Variants in PTPN4 observed in about 807,000 individuals in gnomAD.
PTPN4 encodes the protein tyrosine-protein phosphatase non-receptor type 4.
PTPN4 carries 49 observed loss-of-function variants against 135.5 expected under a neutral mutation model. The observed-to-expected ratio is 0.36, with a 90% confidence interval of 0.29 to 0.46. PTPN4 has a LOEUF of 0.46. Ranked by LOEUF, PTPN4 falls within the 20% of genes least tolerant of loss-of-function variation. PTPN4 has a pLI of 1.00. For synonymous variants in PTPN4, 333 were observed against 369.9 expected, an observed-to-expected ratio of 0.90 and a Z score of 1.14; for missense variants, 860 against 1,101.0, an observed-to-expected ratio of 0.78 and a Z score of 3.10.
At chr2:119,923,864 A>G (rs773538568) in intron 12 of PTPN4, among the ~76,000 whole-genome samples, 31 of 152,136 alleles carry the variant, frequency 2.0e-4, no homozygotes, top group Admixed American at 7.9e-4. Flanking sequence ...GAGGCTGGGC[A>G]CGGTGGCTCA....
At chr2:119,911,073 G>T (rs574758634) in intron 10 of PTPN4, among the ~76,000 whole-genome samples, 1 of 152,244 alleles carries the variant, frequency 6.6e-6, no homozygotes, top group East Asian at 1.9e-4. Context: ...CAGGCCCCTT[G>T]TTGTGAATTC....
intron 2 of PTPN4, among the ~76,000 whole-genome samples, chr2:119,852,274 C>T (rs770881435): frequency 1.3e-5 from 2 of 152,172 alleles, no homozygotes; most frequent in African/African-American, 2.4e-5. Flanking sequence ...TCTAAGCCAA[C>T]GGGGATCAGC....
chr2:119,808,554 C>A (rs1335709584), intron 1 of PTPN4, among the ~76,000 whole-genome samples: 5 of 152,196 alleles, frequency 3.3e-5, no homozygotes, highest in Admixed American at 2.0e-4. Flanking sequence ...CTACAAACCA[C>A]TGCTCAACGA....
At chr2:119,851,250 A>G (rs1362392366) in intron 2 of PTPN4, among the ~76,000 whole-genome samples, 1 of 152,202 alleles carries the variant, frequency 6.6e-6, no homozygotes, top group Non-Finnish European at 1.5e-5. Flanking sequence ...GTGAATCCTT[A>G]CAGGTCTGCA....
At chr2:119,975,629 G>A (rs1297112579) in intron 26 of PTPN4, among the ~76,000 whole-genome samples, 1 of 152,132 alleles carries the variant, frequency 6.6e-6, no homozygotes, top group African/African-American at 2.4e-5. Flanking sequence ...GGAGGCTGAG[G>A]CAGGAGACTC....
chr2:119,921,341 T>C (rs1678734263), intron 12 of PTPN4, among the ~76,000 whole-genome samples: 1 of 152,186 alleles, frequency 6.6e-6, no homozygotes, highest in Middle Eastern at 3.2e-3. Flanking sequence ...TTAAGATTAA[T>C]TCATGTTATA....
chr2:119,879,399 G>A (rs1678036658), intron 5 of PTPN4, among the ~76,000 whole-genome samples: 1 of 152,188 alleles, frequency 6.6e-6, no homozygotes. Context: ...TTTTATAATG[G>A]AATGTTATGG....
chr2:119,956,279 A>G (rs1001550708), intron 20 of PTPN4, among the ~76,000 whole-genome samples: 4 of 121,354 alleles, frequency 3.3e-5, no homozygotes, highest in East Asian at 4.9e-4. Context: ...GCCTCTCACT[A>G]TGTTGCCTAG....
At chr2:119,810,040 A>C (rs1333543207) in intron 2 of PTPN4, 49 bp downstream of exon 2, 1 of 1,536,490 alleles carries the variant, frequency 6.5e-7, no homozygotes, top group Non-Finnish European at 8.9e-7. Context: ...ATAAGTCTGA[A>C]TTTAGACATA....
At chr2:119,768,762 C>T (rs948259390) in intron 1 of PTPN4, among the ~76,000 whole-genome samples, 1 of 152,160 alleles carries the variant, frequency 6.6e-6, no homozygotes, top group African/African-American at 2.4e-5. Context: ...AGCTTGCTGT[C>T]AGGTCCATGT....
At chr2:119,782,075 T>C (rs1690949486) in intron 1 of PTPN4, among the ~76,000 whole-genome samples, 1 of 152,190 alleles carries the variant, frequency 6.6e-6, no homozygotes, top group Non-Finnish European at 1.5e-5. Flanking sequence ...AGTCCCACAC[T>C]GTCCAGTAGG....
chr2:119,948,557 T>A (rs1679168151), intron 18 of PTPN4, among the ~76,000 whole-genome samples: 1 of 152,152 alleles, frequency 6.6e-6, no homozygotes, highest in South Asian at 2.1e-4. Context: ...GGATATTAAT[T>A]ATATGGTTTA....
At chr2:119,833,058 A>G (rs548076363) in intron 2 of PTPN4, among the ~76,000 whole-genome samples, 60 of 152,174 alleles carry the variant, frequency 3.9e-4, no homozygotes, top group Admixed American at 9.2e-4. Context: ...TAAGTGCTCT[A>G]TCATTCTGTT....
rs559902026 is a variant in PTPN4 at position 119,981,326 on chromosome 2, T to C, written c.*4256T>C. On this transcript the variant is annotated 3_prime_UTR_variant, in exon 27 of 27. Transcript: ENST00000263708. ...GTGAGCTGCCACAGTTAATACTTTG[T>C]ATTAACATTGCTTACTTCCCCCATT... 6.6e-6 allele frequency: 1 copy of C among 152,250 alleles called. No homozygotes were observed. The highest frequency in any genetic ancestry group is 1.9e-4 in the East Asian group (1 of 5,190). The allele number at this position is 152,250 out of a possible 1,614,324, so 9.4% of individuals were successfully genotyped here.
intron 12 of PTPN4, 108 bp from the exon 13 acceptor site, chr2:119,926,490 A>G: frequency 1.5e-6 from 1 of 663,728 alleles, no homozygotes; most frequent in African/African-American, 1.9e-5. Context: ...TTTCTCTGCT[A>G]GAAATGTCTT....
At chr2:119,929,155 C>G (rs1678865740) in intron 13 of PTPN4, among the ~76,000 whole-genome samples, 1 of 152,056 alleles carries the variant, frequency 6.6e-6, no homozygotes, top group Non-Finnish European at 1.5e-5. Flanking sequence ...AAGGTATCAG[C>G]TACAATGAGG....
chr2:119,975,056 G>C (rs535708804), intron 26 of PTPN4, among the ~76,000 whole-genome samples: 1 of 152,042 alleles, frequency 6.6e-6, no homozygotes, highest in Non-Finnish European at 1.5e-5. Context: ...TTTGCCCTTT[G>C]AGTATATTCT....
intron 7 of PTPN4, 33 bp from the exon 8 acceptor site, chr2:119,882,470 A>C (rs1678094671): frequency 6.8e-7 from 1 of 1,467,278 alleles, no homozygotes; most frequent in Admixed American, 2.7e-5. Flanking sequence ...AAATTTGTTT[A>C]TTAAAATGTG....
At chr2:119,961,412 T>C (rs1679364778) in intron 23 of PTPN4, among the ~76,000 whole-genome samples, 1 of 152,174 alleles carries the variant, frequency 6.6e-6, no homozygotes. Flanking sequence ...AAAGGACGTA[T>C]AAAAACAAGT....
Sources: gnomAD v4.1 joint callset for allele counts (sites outside exome capture counted in the v4.1 genomes callset) on GRCh38, gnomAD v4.1.1 for gene constraint, MANE v1.5 for transcripts, NCBI Gene and HGNC (gene_info 2026-07-23, HGNC 2026-07-21) for gene names.